WARS1: variants seen among roughly 807,000 people sequenced by gnomAD.
WARS1 encodes tryptophan--tRNA ligase, cytoplasmic.
WARS1 carries 17 observed loss-of-function variants against 47.8 expected under a neutral mutation model. The ratio of observed to expected loss-of-function variants is 0.36; its 90% CI spans 0.24 to 0.53. The LOEUF (loss-of-function observed/expected upper bound fraction) is 0.53. Among genes scored for constraint, WARS1 ranks in the 20% least tolerant of loss-of-function variants. WARS1 has a pLI of 0.91. For missense variants in WARS1, 434 were observed against 608.0 expected (o/e 0.71, Z 3.01); for synonymous variants, 208 against 228.1 (o/e 0.91, Z 0.79).
chr14:100,354,365 C>T lies in WARS1; in HGVS notation c.542+82G>A. The T allele has an allele frequency of 1.9e-6, 3 of 1,543,650 alleles. No individual in the cohort carries two copies. In the Middle Eastern group the frequency reaches 5.2e-4, roughly 268 times the overall value. On this transcript the variant is annotated intron_variant, in intron 5 of 10. Transcript: ENST00000392882. ...TGCTCAGCAAATGAACTAGCATGAT[C>T]TTGTCAGTTCTAAACATGGTTTATA...
chr14:100,354,318 T>A, intron 5 of WARS1, 129 bp downstream of exon 5: 1 of 1,384,562 alleles, frequency 7.2e-7, no homozygotes, highest in Non-Finnish European at 9.7e-7. Context: ...GCCAAAAAAG[T>A]GCCAACTCTT....
intron 1 of WARS1, chr14:100,374,785 G>A (rs1042474879): frequency 1.3e-5 from 2 of 151,894 alleles, no homozygotes; most frequent in Admixed American, 1.3e-4. Context: ...CCTTTGGACT[G>A]GCAAGTTCCC....
intron 6 of WARS1, among the ~76,000 whole-genome samples, chr14:100,350,400 A>AAAAG (rs368074178): frequency 2.0e-4 from 1 of 4,978 alleles, no homozygotes; most frequent in East Asian, 8.9e-3. Flanking sequence ...TCAAAAAAAG[A>AAAAG]AAAAAAAAAA....
chr14:100,354,497 G>T lies in WARS1; in HGVS notation c.492C>A (p.Pro164=). ...GACCTACATGCATTGCTTCAGAAGA[G>T]GGGCCCCGGCCCGTGTACAGATAAA... is the stretch of plus-strand genomic sequence containing the variant. ...KPFYLYTGRG[P]SSEAMHVGHL... Residue 164 remains proline, a synonymous_variant, in exon 5 of 11, where the codon CCC becomes CCA. Transcript: ENST00000392882. 1 of 1,614,160 alleles carries T rather than the reference G, an allele frequency of 6.2e-7. No individual in the cohort carries two copies. Among genetic ancestry groups the T allele is most frequent in the South Asian group, 1.1e-5 (1 of 91,060 alleles).
chr14:100,360,435 C>T (rs770956167), intron 4 of WARS1, 119 bp downstream of exon 4: 15 of 687,648 alleles, frequency 2.2e-5, no homozygotes, highest in East Asian at 7.8e-5. Context: ...CTCAGTCTTA[C>T]CACAGCTGGC....
chr14:100,334,876 T>C lies in WARS1; in HGVS notation c.1415A>G (p.Ter472TrpextTer8). 6.2e-7 allele frequency: 1 copy of C among 1,613,904 alleles called. No homozygotes were observed. Among genetic ancestry groups the C allele is most frequent in the Non-Finnish European group, 8.5e-7 (1 of 1,179,826 alleles). ...TTATAAGCATATGTAAAACGAGTGC[T>C]ACTGAAAGTCGAAGGACAGCTTCCG... ...TPRKLSFDFQ[*>W] The change falls in exon 11 of 11, where the codon TAG (stop) becomes TGG (tryptophan). Residue 472 changes from the stop codon to tryptophan (W), a stop_lost. Coordinates refer to ENST00000392882, the MANE Select transcript of WARS1 (RefSeq NM_004184.4).
intron 5 of WARS1, 64 bp downstream of exon 5, chr14:100,354,383 G>T: frequency 1.3e-6 from 2 of 1,574,262 alleles, no homozygotes; most frequent in Non-Finnish European, 1.7e-6. Context: ...TTCTAAACAT[G>T]GTTTATAAGC....
intron 2 of WARS1, chr14:100,368,401 A>C: frequency 2.2e-6 from 1 of 456,038 alleles, no homozygotes. Flanking sequence ...ACAGATGGGG[A>C]GACTGCCTGG....
Position 100,353,698 on chromosome 14 carries a change from C to T in WARS1, c.714G>A (p.Leu238=). The change falls in exon 6 of 11, where the codon CTG becomes CTA. Residue 238 remains leucine, a synonymous_variant. Transcript: ENST00000392882. ...DINKTFIFSD[L]DYMGMSSGFY... is the part of the protein sequence containing the mutation. ...CGTTTTCTCCTTACCCCATGTAGTC[C>T]AGGTCAGAGAATATGAAAGTCTTGT... is the stretch of plus-strand genomic sequence containing the variant. The T allele has an allele frequency of 1.2e-6, 2 of 1,614,110 alleles. No homozygotes were observed. Among genetic ancestry groups the T allele is most frequent in the South Asian group, 1.1e-5 (1 of 91,074 alleles).
chr14:100,363,276 T>C (rs1486432983), intron 2 of WARS1, among the ~76,000 whole-genome samples: 2 of 105,626 alleles, frequency 1.9e-5, no homozygotes, highest in South Asian at 2.9e-4. Context: ...ATTTAACCAA[T>C]GTCCCTGCTC....
intron 8 of WARS1, among the ~76,000 whole-genome samples, chr14:100,342,786 A>G (rs937014200): frequency 1.3e-5 from 2 of 151,804 alleles, no homozygotes; most frequent in African/African-American, 4.8e-5. Flanking sequence ...TTACATAGGT[A>G]TACATGTGCC....
intron 7 of WARS1, among the ~76,000 whole-genome samples, chr14:100,345,651 T>C (rs1894555629): frequency 8.4e-6 from 1 of 119,290 alleles, no homozygotes. Context: ...CACCCAAGAA[T>C]GATCAATAAA....
Position 100,334,808 on chromosome 14 carries a change from A to ACTGGG in WARS1, c.*62_*66dup. The ACTGGG allele has an allele frequency of 6.4e-7, 1 of 1,570,442 alleles. No homozygotes were observed. Among genetic ancestry groups the ACTGGG allele is most frequent in the Non-Finnish European group, 8.7e-7 (1 of 1,153,118 alleles). ...GAAGCCTACAGGTGGCGGTGCTTTG[A>ACTGGG]CTGGGCTGGGATTATTGATACATTA... On this transcript the variant is annotated 3_prime_UTR_variant, in exon 11 of 11. Coordinates refer to ENST00000392882, the MANE Select transcript of WARS1 (RefSeq NM_004184.4).
rs139232014 is a variant in WARS1, at chr14:100,363,227, A to G, written c.100-1306T>C. 9.8e-4 allele frequency among the ~76,000 whole-genome samples: 149 copies of G among 152,238 alleles called. 2 individuals are homozygous for G. In the East Asian group the frequency reaches 0.026, roughly 27 times the overall value. On this transcript the variant is annotated intron_variant, in intron 2 of 10. Coordinates refer to ENST00000392882, the MANE Select transcript of WARS1 (RefSeq NM_004184.4). ...TGACATTTCATACTCTATCTGGTCT[A>G]ATTCTGCTTGTAACTAGGAGGCTCT...
intron 5 of WARS1, 176 bp downstream of exon 5, chr14:100,354,271 G>C: frequency 1.2e-6 from 1 of 852,742 alleles, no homozygotes; most frequent in Non-Finnish European, 1.7e-6. Flanking sequence ...TCACTCCATG[G>C]TCCTCTAAAG....
Position 100,361,885 on chromosome 14 carries a change from A to G in WARS1, c.136T>C (p.Leu46=), listed in dbSNP as rs761932792. ...IDSAVKMLVS[L]KMSYKAAAGE... ...GCGGCAGCTTTGTAGCTCATTTTTA[A>G]TGACACCAACATCTTTACTGCAGAA... is the stretch of plus-strand genomic sequence containing the variant. Residue 46 remains leucine (L), a synonymous_variant, in exon 3 of 11, where the codon TTA becomes CTA. Coordinates refer to ENST00000392882, the MANE Select transcript of WARS1 (RefSeq NM_004184.4). The G allele has an allele frequency of 6.2e-7, 1 of 1,614,212 alleles. No homozygotes were observed. The highest frequency in any genetic ancestry group is 2.2e-5 in the East Asian group (1 of 44,886).
At chr14:100,361,277 A>C (rs909599060) in intron 3 of WARS1, among the ~76,000 whole-genome samples, 1 of 152,258 alleles carries the variant, frequency 6.6e-6, no homozygotes, top group African/African-American at 2.4e-5. Flanking sequence ...AGGGCATGAC[A>C]GTAAGAACTT....
intron 10 of WARS1, 68 bp from the exon 11 acceptor site, chr14:100,335,104 G>A (rs2139865580): frequency 1.3e-6 from 2 of 1,537,848 alleles, no homozygotes; most frequent in Non-Finnish European, 1.8e-6. Flanking sequence ...TCCTGCCTCG[G>A]GCACCAGCTC....
intron 9 of WARS1, among the ~76,000 whole-genome samples, chr14:100,340,821 T>C (rs1894108739): frequency 6.6e-6 from 1 of 152,122 alleles, no homozygotes. Flanking sequence ...CTGTTTTTCC[T>C]GACCTCATGC....
Sources: allele counts gnomAD v4.1 joint callset (sites outside exome capture counted in the v4.1 genomes callset), GRCh38; gene constraint gnomAD v4.1.1; transcripts MANE v1.5; gene names NCBI Gene and HGNC (gene_info 2026-07-23, HGNC 2026-07-21).